GALNT17: variants seen among roughly 807,000 people sequenced by gnomAD.
The protein encoded by GALNT17 is UDP-GalNAc:polypeptide N-acetylgalactosaminyltransferase-like 3.
A neutral mutation model predicts 63.7 loss-of-function variants in GALNT17; 29 were observed. The observed-to-expected ratio is 0.46, with a 90% CI of 0.34 to 0.62. The LOEUF (loss-of-function observed/expected upper bound fraction) is 0.62. Ranked by LOEUF, GALNT17 falls within the 20% of genes least tolerant of loss-of-function variation. The pLI is 0.01. For synonymous variants in GALNT17, 305 were observed against 318.3 expected (o/e 0.96, Z 0.45); for missense variants, 603 against 799.6 (o/e 0.75, Z 2.97).
chr7:71,161,419 G>C (rs1276824989), intron 1 of GALNT17, among the ~76,000 whole-genome samples: 1 of 152,074 alleles, frequency 6.6e-6, no homozygotes, highest in Non-Finnish European at 1.5e-5. Flanking sequence ...TAATTCAATT[G>C]TTGATTTGCA....
chr7:71,298,736 G>A (rs6962794), intron 1 of GALNT17, among the ~76,000 whole-genome samples: 11 of 116,938 alleles, frequency 9.4e-5, no homozygotes, highest in African/African-American at 2.5e-4. Flanking sequence ...GTGTGTGTGT[G>A]TGTATGTATG....
chr7:71,533,727 C>A (rs1484718493), intron 5 of GALNT17, among the ~76,000 whole-genome samples: 1 of 152,158 alleles, frequency 6.6e-6, no homozygotes, highest in Non-Finnish European at 1.5e-5. Flanking sequence ...TCTGGTTGCT[C>A]ACGGAAAGCC....
At chr7:71,386,011 C>T (rs1792936314) in intron 2 of GALNT17, among the ~76,000 whole-genome samples, 1 of 152,162 alleles carries the variant, frequency 6.6e-6, no homozygotes, top group Non-Finnish European at 1.5e-5. Context: ...AGACCAGCCT[C>T]TGAGGGACCC....
intron 5 of GALNT17, among the ~76,000 whole-genome samples, chr7:71,520,720 G>T (rs1788516452): frequency 6.6e-6 from 1 of 152,112 alleles, no homozygotes; most frequent in African/African-American, 2.4e-5. Flanking sequence ...TTCTCCATCA[G>T]TGTGGTCGTT....
chr7:71,501,756 T>C (rs537957325), intron 5 of GALNT17, among the ~76,000 whole-genome samples: 1 of 152,110 alleles, frequency 6.6e-6, no homozygotes, highest in African/African-American at 2.4e-5. Flanking sequence ...TCATATAGAG[T>C]GTCACACAGT....
At chr7:71,153,273 T>A (rs1429211363) in intron 1 of GALNT17, among the ~76,000 whole-genome samples, 1 of 152,130 alleles carries the variant, frequency 6.6e-6, no homozygotes, top group African/African-American at 2.4e-5. Context: ...ATAAGGACGG[T>A]GTAAGGTGAT....
chr7:71,408,763 C>T (rs990226194), intron 3 of GALNT17, among the ~76,000 whole-genome samples: 1 of 151,960 alleles, frequency 6.6e-6, no homozygotes, highest in East Asian at 1.9e-4. Context: ...GTTCCAGGTA[C>T]TCAGGAGGCT....
intron 1 of GALNT17, among the ~76,000 whole-genome samples, chr7:71,306,376 C>A (rs1295441628): frequency 6.6e-6 from 1 of 152,088 alleles, no homozygotes; most frequent in East Asian, 1.9e-4. Context: ...GCTCTGTACC[C>A]ATTAAACAAT....
intron 9 of GALNT17, among the ~76,000 whole-genome samples, chr7:71,687,380 G>C (rs549939367): frequency 1.3e-5 from 2 of 152,170 alleles, no homozygotes; most frequent in Non-Finnish European, 2.9e-5. Flanking sequence ...GGGCTCTGGC[G>C]AGCTATTAGC....
intron 5 of GALNT17, among the ~76,000 whole-genome samples, chr7:71,470,434 T>A (rs768491785): frequency 6.6e-6 from 1 of 152,118 alleles, no homozygotes; most frequent in African/African-American, 2.4e-5. Context: ...GGTCCTTGGC[T>A]TCGGTCATGC....
intron 6 of GALNT17, among the ~76,000 whole-genome samples, chr7:71,576,070 A>G (rs891650135): frequency 2.0e-5 from 3 of 152,228 alleles, no homozygotes; most frequent in Non-Finnish European, 2.9e-5. Flanking sequence ...AAGAAAAGAT[A>G]GGTTACTTTA....
In GALNT17 at chr7:71,214,526, G is replaced by A. The variant is rs538744595; in HGVS notation, c.238+81486G>A. Among the ~76,000 whole-genome samples, 3 of 151,350 alleles carry A rather than the reference G, an allele frequency of 2.0e-5. No individual in the cohort carries two copies. In the South Asian group the frequency reaches 6.3e-4, roughly 32 times the overall value. On this transcript the variant is annotated intron_variant, in intron 1 of 10. Coordinates refer to ENST00000333538, the MANE Select transcript of GALNT17 (RefSeq NM_022479.3). ...TCTCCAAACTGGATTTTAAAACAAT[G>A]TGGAAAAACTGCTTCCTCCCAGGGC...
intron 1 of GALNT17, among the ~76,000 whole-genome samples, chr7:71,159,279 G>T (rs149043613): frequency 6.6e-6 from 1 of 151,490 alleles, no homozygotes; most frequent in African/African-American, 2.4e-5. Flanking sequence ...GTGTCGTTTC[G>T]CAGTTCCTAA....
At chr7:71,581,888 A>T (rs561392693) in intron 6 of GALNT17, among the ~76,000 whole-genome samples, 4 of 152,236 alleles carry the variant, frequency 2.6e-5, no homozygotes, top group Non-Finnish European at 5.9e-5. Flanking sequence ...GATTTGGCAG[A>T]GGGGTGCCAG....
chr7:71,199,989 A>C (rs933624578), intron 1 of GALNT17, among the ~76,000 whole-genome samples: 1 of 152,204 alleles, frequency 6.6e-6, no homozygotes, highest in Non-Finnish European at 1.5e-5. Context: ...TAAATCCATT[A>C]GATTAATATT....
At chr7:71,215,923 C>G (rs1253429006) in intron 1 of GALNT17, among the ~76,000 whole-genome samples, 2 of 152,030 alleles carry the variant, frequency 1.3e-5, no homozygotes, top group Non-Finnish European at 2.9e-5. Context: ...TTTAACACAT[C>G]AGGAGAGATA....
intron 1 of GALNT17, among the ~76,000 whole-genome samples, chr7:71,245,409 A>G (rs944834919): frequency 1.1e-4 from 16 of 152,228 alleles, no homozygotes; most frequent in African/African-American, 3.9e-4. Context: ...AGAAGGGCAC[A>G]GGTATGGAGT....
intron 9 of GALNT17, among the ~76,000 whole-genome samples, chr7:71,701,573 C>A (rs1277476399): frequency 6.6e-6 from 1 of 151,430 alleles, no homozygotes. Flanking sequence ...GGAGGAGGCA[C>A]TCCTGGGTAT....
At chr7:71,140,914 G>C (rs764579842) in intron 1 of GALNT17, among the ~76,000 whole-genome samples, 26 of 152,206 alleles carry the variant, frequency 1.7e-4, no homozygotes, top group Non-Finnish European at 2.6e-4. Context: ...CCAGCTACTC[G>C]AGAGGCTGAG....
Sources: gnomAD v4.1 joint callset for allele counts (sites outside exome capture counted in the v4.1 genomes callset) on GRCh38, gnomAD v4.1.1 for gene constraint, MANE v1.5 for transcripts, NCBI Gene and HGNC (gene_info 2026-07-23, HGNC 2026-07-21) for gene names.